CCDC57: variants seen among roughly 807,000 people sequenced by gnomAD.
CCDC57 encodes coiled-coil domain containing 57, also known as coiled-coil domain-containing protein 57.
A neutral mutation model predicts 118.9 loss-of-function variants in CCDC57; 118 were observed. That is an observed-to-expected ratio of 0.99 (90% CI 0.86 to 1.16). The LOEUF (loss-of-function observed/expected upper bound fraction) is 1.16. CCDC57 is among the 50% of genes most tolerant of loss of function. The probability of loss-of-function intolerance (pLI) is 0.00; values close to 1 mark genes in which losing one functional copy is unlikely to be tolerated. For missense variants in CCDC57, 1,300 were observed against 1,320.7 expected, an observed-to-expected ratio of 0.98 and a Z score of 0.24; for synonymous variants, 527 against 532.9, an observed-to-expected ratio of 0.99 and a Z score of 0.15.
At chr17:82,137,190 G>T (rs893265195) in intron 16 of CCDC57, among the ~76,000 whole-genome samples, 5 of 151,952 alleles carry the variant, frequency 3.3e-5, no homozygotes, top group Non-Finnish European at 5.9e-5. Context: ...GCTAATTTTT[G>T]TATTTTTAGT....
chr17:82,152,922 A>C (rs1426139416), intron 15 of CCDC57, among the ~76,000 whole-genome samples: 5 of 152,280 alleles, frequency 3.3e-5, no homozygotes, highest in South Asian at 2.1e-4. Flanking sequence ...GACACATCGA[A>C]GGGGAGAGAT....
chr17:82,157,814 G>T, exon 15 of CCDC57: 1 of 1,604,956 alleles, frequency 6.2e-7, no homozygotes. Flanking sequence ...CCGCTCCCCC[G>T]TGCTGGGCTA....
intron 13 of CCDC57, among the ~76,000 whole-genome samples, chr17:82,166,909 C>T (rs1027413288): frequency 6.6e-6 from 1 of 151,918 alleles, no homozygotes; most frequent in Admixed American, 6.6e-5. Context: ...GAGCAAGGCC[C>T]TGTCTCAAAA....
At chr17:82,210,723 G>A (rs374361500) in intron 1 of CCDC57, among the ~76,000 whole-genome samples, 129 of 149,476 alleles carry the variant, frequency 8.6e-4, no homozygotes, top group African/African-American at 3.0e-3. Flanking sequence ...GGCCGGGCAC[G>A]GTGGCTCACA....
At chr17:82,137,640 C>G (rs2039398224) in intron 16 of CCDC57, among the ~76,000 whole-genome samples, 2 of 149,830 alleles carry the variant, frequency 1.3e-5, no homozygotes, top group Admixed American at 6.7e-5. Flanking sequence ...AAATTGAATT[C>G]TAAATGTCAA....
intron 17 of CCDC57, among the ~76,000 whole-genome samples, chr17:82,133,391 G>T (rs1446287287): frequency 1.3e-5 from 1 of 76,456 alleles, no homozygotes; most frequent in Non-Finnish European, 2.5e-5. Context: ...AAAAAAAAAA[G>T]AAGTTTTTGG....
intron 15 of CCDC57, chr17:82,152,342 C>A (rs1398900233): frequency 6.4e-6 from 1 of 155,282 alleles, no homozygotes. Flanking sequence ...CCCACAACCA[C>A]CCTGCAGGCC....
chr17:82,174,293 A>T (rs1410988332), intron 11 of CCDC57, among the ~76,000 whole-genome samples: 2 of 152,246 alleles, frequency 1.3e-5, no homozygotes, highest in Non-Finnish European at 2.9e-5. Context: ...CGCTGCGCTC[A>T]GGGGTGGAGA....
Position 82,167,732 on chromosome 17 carries a change from C to T in CCDC57, c.1882+3969G>A, listed in dbSNP as rs191880555. ...CTGACCTCAAGTGATCCACCCACCT[C>T]GGCCTCCCAAAGTGCTGGGATTACA... is the stretch of plus-strand genomic sequence containing the variant. On this transcript the variant is annotated intron_variant, in intron 13 of 19. Transcript: ENST00000665763. Among the ~76,000 whole-genome samples the T allele has an allele frequency of 6.2e-3, 942 of 152,184 alleles. 6 individuals carry two copies. The highest frequency in any genetic ancestry group is 0.014 in the Admixed American group (208 of 15,284).
exon 17 of CCDC57, chr17:82,134,137 T>C (rs1328113882): frequency 8.7e-6 from 12 of 1,385,788 alleles, no homozygotes; most frequent in Non-Finnish European, 1.0e-5. Flanking sequence ...CCTCCTGGGC[T>C]CCTCGCCTGG....
rs1005370370 is a variant in CCDC57, at chr17:82,118,890, C to T, written c.2899+8802G>A. On this transcript the variant is annotated intron_variant, in intron 19 of 19. Transcript: ENST00000665763. The surrounding 1 kb of genome is among the most constrained non-coding windows in gnomAD (Gnocchi z 4.7). ...GGCCATTTGTAAATACTCCATTCTA[C>T]TTCTGCGTATTTTCGTGGTTTGCCT... 6.6e-6 allele frequency among the ~76,000 whole-genome samples: 1 copy of T among 151,864 alleles called. No individual in the cohort carries two copies. The highest frequency in any genetic ancestry group is 6.6e-5 in the Admixed American group (1 of 15,236).
Position 82,212,752 on chromosome 17 carries a change from C to A in CCDC57, c.-211+33G>T. On this transcript the variant is annotated intron_variant, in intron 1 of 19. Coordinates refer to ENST00000665763, the Ensembl canonical transcript of CCDC57. The surrounding 1 kb of genome is among the most constrained non-coding windows in gnomAD (Gnocchi z 4.1). Reference sequence around the variant, plus strand: ...GTCGGAGCGGCGCCCCCCACGCCTCCCACGCCTCCCACGCCGCCCGCCCGC... The same window carrying A: ...GTCGGAGCGGCGCCCCCCACGCCTCACACGCCTCCCACGCCGCCCGCCCGC... The A allele has an allele frequency of 6.6e-6, 1 of 152,422 alleles. No homozygotes were observed. Among genetic ancestry groups the A allele is most frequent in the South Asian group, 2.1e-4 (1 of 4,850 alleles). The allele number at this position is 152,422 out of a possible 1,614,324, so 9.4% of individuals were successfully genotyped here.
At chr17:82,134,253 T>C in intron 16 of CCDC57, 59 bp from the exon 16 acceptor site, 1 of 1,264,030 alleles carries the variant, frequency 7.9e-7, no homozygotes. Context: ...ATTCCTCTTG[T>C]GTTGAATGCA....
At chr17:82,181,418 C>T (rs966448580) in intron 9 of CCDC57, among the ~76,000 whole-genome samples, 4 of 152,224 alleles carry the variant, frequency 2.6e-5, no homozygotes, top group African/African-American at 9.6e-5. Flanking sequence ...CACCTGCCCT[C>T]GCACTGATTT....
chr17:82,138,779 C>T (rs9675196), intron 16 of CCDC57, among the ~76,000 whole-genome samples: 68,757 of 151,224 alleles, frequency 0.45, 16,490 homozygotes, highest in East Asian at 0.88. Flanking sequence ...CTGTGCTGCA[C>T]GGAGACGTCC....
chr17:82,174,892 G>T (rs2045269613), intron 11 of CCDC57, among the ~76,000 whole-genome samples: 1 of 152,158 alleles, frequency 6.6e-6, no homozygotes, highest in African/African-American at 2.4e-5. Context: ...CCCTTCCTCA[G>T]GGCCGAGAGA....
At chr17:82,133,484 T>C (rs2038726533) in intron 17 of CCDC57, among the ~76,000 whole-genome samples, 1 of 140,258 alleles carries the variant, frequency 7.1e-6, no homozygotes, top group Non-Finnish European at 1.6e-5. Context: ...TTTTCACTTA[T>C]CATACCAGAT....
intron 19 of CCDC57, among the ~76,000 whole-genome samples, chr17:82,119,113 A>G (rs1323738264): frequency 2.3e-3 from 6 of 2,578 alleles, no homozygotes; most frequent in African/African-American, 0.011. Context: ...TGGGGGTGGG[A>G]GTGGGGGCAG....
intron 11 of CCDC57, among the ~76,000 whole-genome samples, chr17:82,176,060 A>C (rs1342396992): frequency 6.6e-6 from 1 of 152,212 alleles, no homozygotes; most frequent in African/African-American, 2.4e-5. Flanking sequence ...ACATAATGTA[A>C]AAGAGTCTTG....
Sources: allele counts gnomAD v4.1 joint callset (sites outside exome capture counted in the v4.1 genomes callset), GRCh38; gene constraint gnomAD v4.1.1; non-coding constraint Gnocchi (gnomAD v3.1); transcripts MANE v1.5; gene names NCBI Gene and HGNC (gene_info 2026-07-23, HGNC 2026-07-21).